The following BICRA variants were observed in gnomAD, a reference collection of about 807,000 sequenced individuals.
The protein encoded by BICRA is BRD4 interacting chromatin remodeling complex associated protein.
A neutral mutation model predicts 96.9 loss-of-function variants in BICRA; 31 were observed. The ratio of observed to expected loss-of-function variants is 0.32; its 90% CI spans 0.24 to 0.43. BICRA has a LOEUF of 0.43. Among genes scored for constraint, BICRA ranks in the 20% least tolerant of loss-of-function variants. The pLI is 1.00. For missense variants in BICRA, 2,283 were observed against 2,190.3 expected, an observed-to-expected ratio of 1.04 and a Z score of -0.84; for synonymous variants, 1,350 against 1,071.8, an observed-to-expected ratio of 1.26 and a Z score of -5.07.
chr19:47,609,927 C>A (rs1045477668), intron 1 of BICRA, among the ~76,000 whole-genome samples: 9 of 151,566 alleles, frequency 5.9e-5, no homozygotes, highest in African/African-American at 2.2e-4. Context: ...CCTCCCCCAC[C>A]CCCAGCTGAG....
chr19:47,637,268 C>T (rs979221866), intron 1 of BICRA, among the ~76,000 whole-genome samples: 7 of 151,838 alleles, frequency 4.6e-5, no homozygotes, highest in South Asian at 2.1e-4. Flanking sequence ...TACAGGCGCC[C>T]GCCACCACAC....
At chr19:47,678,520 G>A (rs1048267266) in intron 5 of BICRA, among the ~76,000 whole-genome samples, 1 of 152,204 alleles carries the variant, frequency 6.6e-6, no homozygotes, top group Non-Finnish European at 1.5e-5. Flanking sequence ...CACGTTGGGC[G>A]CCGGGACCAG....
intron 1 of BICRA, among the ~76,000 whole-genome samples, chr19:47,610,193 G>A (rs1244199864): frequency 6.6e-6 from 1 of 152,238 alleles, no homozygotes; most frequent in Non-Finnish European, 1.5e-5. Context: ...CCCGGAGGGA[G>A]GGATGGAGGA....
Position 47,702,806 on chromosome 19 carries a change from G to T in BICRA, c.*391G>T, listed in dbSNP as rs562263109. The T allele has an allele frequency of 1.8e-4, 45 of 244,006 alleles. No homozygotes were observed. Among genetic ancestry groups the T allele is most frequent in the Non-Finnish European group, 1.0e-4 (13 of 127,948 alleles). The allele number at this position is 244,006 out of a possible 1,614,324, so 15.1% of individuals were successfully genotyped here. ...TCTTGTCTGTGTGGCTTCTCAGATG[G>T]TGGAGGGTGCTGGGAGCTGGCAGGG... is the stretch of plus-strand genomic sequence containing the variant. On this transcript the variant is annotated 3_prime_UTR_variant, in exon 15 of 15. Coordinates refer to ENST00000594866, the MANE Select transcript of BICRA (RefSeq NM_001394372.1).
chr19:47,667,011 A>G (rs1044745244), intron 1 of BICRA, among the ~76,000 whole-genome samples: 1 of 150,090 alleles, frequency 6.7e-6, no homozygotes, highest in Non-Finnish European at 1.5e-5. Flanking sequence ...GTTCCCGTTC[A>G]TGTCTTTTTT....
chr19:47,662,585 C>A (rs1040100374), intron 1 of BICRA: 1 of 152,176 alleles, frequency 6.6e-6, no homozygotes, highest in Admixed American at 6.5e-5. Flanking sequence ...GCAGGAGAAT[C>A]GCTTGAACCC....
chr19:47,681,905 G>C, intron 6 of BICRA, 71 bp from the exon 7 acceptor site: 2 of 1,051,680 alleles, frequency 1.9e-6, no homozygotes, highest in Non-Finnish European at 2.7e-6. Flanking sequence ...AATAGGGGCA[G>C]GGGTCTCGGG....
At chr19:47,674,500 T>C (rs1972913333) in intron 4 of BICRA, among the ~76,000 whole-genome samples, 1 of 152,068 alleles carries the variant, frequency 6.6e-6, no homozygotes, top group Non-Finnish European at 1.5e-5. Flanking sequence ...GCTGTGTAGA[T>C]TATCCCAGCA....
At chr19:47,650,135 G>A (rs1037748704) in intron 1 of BICRA, among the ~76,000 whole-genome samples, 2 of 151,678 alleles carry the variant, frequency 1.3e-5, no homozygotes, top group Admixed American at 6.6e-5. Context: ...TTGTTTGTTT[G>A]TTTGTTTGTT....
At position 47,689,357 on chromosome 19, in the gene BICRA, G is replaced by A. The variant is rs538187245; in HGVS notation, c.2284-4758G>A. On this transcript the variant is annotated intron_variant, in intron 7 of 14. Coordinates refer to ENST00000594866, the MANE Select transcript of BICRA (RefSeq NM_001394372.1). Reference sequence around the variant, plus strand: ...GGGCTCAAGCAGTCCTCCTGCCTTGGCCTCCGAGAGTGCTGGGATTACAGG... The same window carrying A: ...GGGCTCAAGCAGTCCTCCTGCCTTGACCTCCGAGAGTGCTGGGATTACAGG... Among the ~76,000 whole-genome samples the A allele has an allele frequency of 2.0e-5, 3 of 151,386 alleles. No homozygotes were observed. In the South Asian group the frequency reaches 6.3e-4, roughly 32 times the overall value.
In BICRA at chr19:47,680,116, C is replaced by G; in HGVS notation, c.946C>G (p.Pro316Ala). ...CGGAGGCGCGGGGGCCGCCTCGGCTCCCACCGGGACGCCCTCGGGACAGCC... is the reference window on the plus strand; with the variant it reads ...CGGAGGCGCGGGGGCCGCCTCGGCTGCCACCGGGACGCCCTCGGGACAGCC... ...VFGGAGAASA[P>A]TGTPSGQPLA... The change falls in exon 6 of 15, where the codon CCC becomes GCC. Residue 316 changes from proline (P) to alanine (A), a missense_variant. By Grantham distance (27) the Pro-to-Ala change is conservative. Coordinates refer to ENST00000594866, the MANE Select transcript of BICRA (RefSeq NM_001394372.1). The G allele has an allele frequency of 6.5e-7, 1 of 1,532,252 alleles. No homozygotes were observed. The highest frequency in any genetic ancestry group is 8.7e-7 in the Non-Finnish European group (1 of 1,151,292). 94.9% of individuals were successfully genotyped at this position (1,532,252 alleles called of 1,614,324 possible).
In BICRA at chr19:47,702,963, C is replaced by T. The variant is rs1203072665; in HGVS notation, c.*548C>T. 8.0e-6 allele frequency: 1 copy of T among 124,782 alleles called. No individual in the cohort carries two copies. Among genetic ancestry groups the T allele is most frequent in the Non-Finnish European group, 1.5e-5 (1 of 66,646 alleles). 7.7% of individuals were successfully genotyped at this position (124,782 alleles called of 1,614,324 possible). On this transcript the variant is annotated 3_prime_UTR_variant, in exon 15 of 15. Transcript: ENST00000594866. ...ACCCGTGTGACATCCGCACGTCCAG[C>T]TCCGTGACCTGTGTGTGTGTGTGTG...
Position 47,675,714 on chromosome 19 carries a change from GAGTTTCCCATACCCCC to G in BICRA, c.85-134_85-119del. 1 of 711,916 alleles carries G rather than the reference GAGTTTCCCATACCCCC, an allele frequency of 1.4e-6. No individual in the cohort carries two copies. The allele number at this position is 711,916 out of a possible 1,614,324, so 44.1% of individuals were successfully genotyped here. A position where few individuals can be genotyped will look rare whatever the true frequency, so the allele number is the denominator to read the frequency against. On this transcript the variant is annotated intron_variant, in intron 4 of 14. Coordinates refer to ENST00000594866, the MANE Select transcript of BICRA (RefSeq NM_001394372.1). This position sits in a 1 kb window ranked among gnomAD's most constrained non-coding sequence, Gnocchi z 4.7. ...CTTTGGGGCCTCTTTTCGGAGGCGA[GAGTTTCCCATACCCCC>G]AGCCCTCTCCCATCCCAACCCTTGT...
chr19:47,666,091 A>G (rs1395869531), intron 1 of BICRA, among the ~76,000 whole-genome samples: 1 of 152,200 alleles, frequency 6.6e-6, no homozygotes, highest in Non-Finnish European at 1.5e-5. Context: ...TAACAGTCCC[A>G]TGGAGGACGT....
chr19:47,687,230 C>T (rs1425174989), intron 7 of BICRA, among the ~76,000 whole-genome samples: 2 of 152,040 alleles, frequency 1.3e-5, no homozygotes, highest in Non-Finnish European at 1.5e-5. Context: ...TGAATGAACA[C>T]GGGAGTGTTC....
At chr19:47,622,640 T>A (rs1198243802) in intron 1 of BICRA, among the ~76,000 whole-genome samples, 1 of 145,530 alleles carries the variant, frequency 6.9e-6, no homozygotes, top group Non-Finnish European at 1.5e-5. Context: ...AGGAGAATGG[T>A]GTGAACCCGG....
intron 7 of BICRA, among the ~76,000 whole-genome samples, chr19:47,684,218 C>T (rs751452792): frequency 1.3e-5 from 2 of 152,082 alleles, no homozygotes; most frequent in Non-Finnish European, 2.9e-5. Flanking sequence ...AGTCCCACTC[C>T]GTCGCCTAGG....
chr19:47,692,839 T>C (rs781025727), intron 7 of BICRA, among the ~76,000 whole-genome samples: 2 of 152,214 alleles, frequency 1.3e-5, no homozygotes, highest in African/African-American at 2.4e-5. Flanking sequence ...TGCCCGGTTC[T>C]GGAGTGTGGT....
chr19:47,698,628 C>T lies in BICRA; in HGVS notation c.3249-6C>T, dbSNP rs201485592. 1.4e-6 allele frequency: 2 copies of T among 1,456,070 alleles called. No homozygotes were observed. The highest frequency in any genetic ancestry group is 1.7e-5 in the Admixed American group (1 of 59,270). 90.2% of individuals were successfully genotyped at this position (1,456,070 alleles called of 1,614,324 possible). A position where few individuals can be genotyped will look rare whatever the true frequency, so the allele number is the denominator to read the frequency against. Reference sequence around the variant, plus strand: ...CGTGTGTGGTCTCTCCCCTTTCCACCCGCAGTTTCCTGGAGCATTTGCACA... The same window carrying T: ...CGTGTGTGGTCTCTCCCCTTTCCACTCGCAGTTTCCTGGAGCATTTGCACA... On this transcript the variant is annotated splice_region_variant and splice_polypyrimidine_tract_variant and intron_variant, in intron 11 of 14. Transcript: ENST00000594866. The surrounding 1 kb of genome is among the most constrained non-coding windows in gnomAD (Gnocchi z 4.8).
Sources: gnomAD v4.1 joint callset for allele counts (sites outside exome capture counted in the v4.1 genomes callset) on GRCh38, gnomAD v4.1.1 for gene constraint, Gnocchi (gnomAD v3.1) non-coding constraint, MANE v1.5 for transcripts, NCBI Gene and HGNC (gene_info 2026-07-23, HGNC 2026-07-21) for gene names.